Variants in TAFA4 observed in about 807,000 individuals in gnomAD.
TAFA4 encodes chemokine-like protein TAFA-4.
In TAFA4, 20 loss-of-function variants were observed where a neutral mutation model predicts 21.1. That is an observed-to-expected ratio of 0.95 (90% confidence interval 0.67 to 1.38). The LOEUF is 1.38. TAFA4 is among the 40% of genes most tolerant of loss of function. The pLI, the probability that TAFA4 is intolerant of heterozygous loss-of-function variation, is 0.00. For missense variants in TAFA4, 211 were observed against 180.9 expected, an observed-to-expected ratio of 1.17 and a Z score of -0.95; for synonymous variants, 71 against 67.4, an observed-to-expected ratio of 1.05 and a Z score of -0.26.
chr3:68,896,706 A>C (rs575683566), intron 1 of TAFA4, among the ~76,000 whole-genome samples: 4 of 152,214 alleles, frequency 2.6e-5, no homozygotes, highest in Non-Finnish European at 5.9e-5. Flanking sequence ...TTGGCCAGCT[A>C]TCTGGAGAGT....
chr3:68,904,886 T>C (rs997592467), intron 1 of TAFA4, among the ~76,000 whole-genome samples: 1 of 152,120 alleles, frequency 6.6e-6, no homozygotes, highest in Non-Finnish European at 1.5e-5. Flanking sequence ...GGCAAGAGAA[T>C]TGGTGAATGC....
intron 3 of TAFA4, among the ~76,000 whole-genome samples, chr3:68,828,512 T>A (rs1308903937): frequency 6.6e-6 from 1 of 152,222 alleles, no homozygotes; most frequent in East Asian, 1.9e-4. Flanking sequence ...TCCGTGAGCA[T>A]GGAATGTTCT....
At chr3:68,926,759 A>T (rs1337174713) in intron 1 of TAFA4, among the ~76,000 whole-genome samples, 1 of 152,032 alleles carries the variant, frequency 6.6e-6, no homozygotes, top group Non-Finnish European at 1.5e-5. Flanking sequence ...AAAAATACAA[A>T]GATTAGCCAG....
At chr3:68,900,357 G>A (rs543211421) in intron 1 of TAFA4, among the ~76,000 whole-genome samples, 15 of 151,240 alleles carry the variant, frequency 9.9e-5, no homozygotes, top group Admixed American at 4.6e-4. Flanking sequence ...TGGTAACTGG[G>A]GCCAGAAGGA....
intron 1 of TAFA4, among the ~76,000 whole-genome samples, chr3:68,907,605 T>C (rs902959982): frequency 6.6e-6 from 1 of 152,140 alleles, no homozygotes; most frequent in Non-Finnish European, 1.5e-5. Context: ...ATAGAGGAGA[T>C]GCTTTCCATA....
intron 3 of TAFA4, among the ~76,000 whole-genome samples, chr3:68,848,467 C>G (rs950987020): frequency 2.6e-5 from 4 of 152,060 alleles, no homozygotes; most frequent in African/African-American, 9.7e-5. Context: ...GCCTTTTTCC[C>G]CAGGAAGGAG....
chr3:68,739,838 T>C (rs1422738869), intron 4 of TAFA4, among the ~76,000 whole-genome samples: 1 of 152,034 alleles, frequency 6.6e-6, no homozygotes, highest in Non-Finnish European at 1.5e-5. Flanking sequence ...CACAGAGACA[T>C]AGAGTCATGG....
rs527655086 is a variant in TAFA4 at position 68,861,118 on chromosome 3, A to G, written c.130+19612T>C. On this transcript the variant is annotated intron_variant, in intron 3 of 5. Transcript: ENST00000295569. ...AACAGTTTCCTAAAGGGACACTTACATGGATGATCACCAAAGCATTTTTGT... is the reference window on the plus strand; with the variant it reads ...AACAGTTTCCTAAAGGGACACTTACGTGGATGATCACCAAAGCATTTTTGT... Among the ~76,000 whole-genome samples, 48 of 147,706 alleles carry G rather than the reference A, an allele frequency of 3.2e-4. No individual in the cohort carries two copies. The South Asian group carries it at 0.01, about 31-fold the overall frequency.
chr3:68,732,468 CAGTAAAA>C lies in TAFA4; in HGVS notation c.*667_*673del, dbSNP rs966526535. The C allele has an allele frequency of 1.6e-4, 24 of 152,348 alleles. No homozygotes were observed. The highest frequency in any genetic ancestry group is 5.8e-4 in the African/African-American group (24 of 41,366). 9.4% of individuals were successfully genotyped at this position (152,348 alleles called of 1,614,324 possible). A position where few individuals can be genotyped will look rare whatever the true frequency, so the allele number is the denominator to read the frequency against. On this transcript the variant is annotated 3_prime_UTR_variant, in exon 6 of 6. Transcript: ENST00000295569. ...GGAATTGATATGCTTCCTTAGCACT[CAGTAAAA>C]TGGTACATTGAAGTTAAAACGCTCT...
intron 3 of TAFA4, among the ~76,000 whole-genome samples, chr3:68,816,919 T>C (rs749644471): frequency 1.3e-5 from 2 of 152,192 alleles, no homozygotes; most frequent in African/African-American, 4.8e-5. Flanking sequence ...ATAATCTTTA[T>C]GCTGGTGGAA....
At chr3:68,753,933 A>C (rs1702610661) in intron 3 of TAFA4, among the ~76,000 whole-genome samples, 1 of 152,248 alleles carries the variant, frequency 6.6e-6, no homozygotes, top group East Asian at 1.9e-4. Context: ...GAATCCAGCC[A>C]GGCAGTGCTA....
intron 1 of TAFA4, among the ~76,000 whole-genome samples, chr3:68,925,571 T>C (rs1196219629): frequency 6.6e-6 from 1 of 152,222 alleles, no homozygotes; most frequent in Non-Finnish European, 1.5e-5. Flanking sequence ...AAGGACTTAC[T>C]CCATTACTGA....
intron 3 of TAFA4, among the ~76,000 whole-genome samples, chr3:68,833,681 T>G (rs1704453911): frequency 6.6e-6 from 1 of 152,192 alleles, no homozygotes; most frequent in Non-Finnish European, 1.5e-5. Flanking sequence ...TTTATAACTT[T>G]AAATAAAAGT....
In TAFA4 at chr3:68,753,033, G is replaced by A; in HGVS notation, c.131-15C>T. On this transcript the variant is annotated splice_polypyrimidine_tract_variant and intron_variant, in intron 3 of 5. Coordinates refer to ENST00000295569, the MANE Select transcript of TAFA4 (RefSeq NM_182522.5). Reference sequence around the variant, plus strand: ...TTGGTGGTGACCTAGTTGGTAATGGGGGAGAAAAACAAACCCAGTGCTGTT... The same window carrying A: ...TTGGTGGTGACCTAGTTGGTAATGGAGGAGAAAAACAAACCCAGTGCTGTT... 1 of 1,609,572 alleles carries A rather than the reference G, an allele frequency of 6.2e-7. No homozygotes were observed. Among genetic ancestry groups the A allele is most frequent in the African/African-American group, 1.3e-5 (1 of 74,884 alleles).
intron 3 of TAFA4, among the ~76,000 whole-genome samples, chr3:68,801,910 A>C (rs1000825734): frequency 9.2e-5 from 14 of 151,652 alleles, no homozygotes; most frequent in African/African-American, 2.9e-4. Flanking sequence ...CTTGTCCCCT[A>C]ATCATTCAAA....
chr3:68,738,967 G>A (rs1559754192), intron 5 of TAFA4, 108 bp downstream of exon 5: 1 of 1,485,224 alleles, frequency 6.7e-7, no homozygotes, highest in Non-Finnish European at 9.1e-7. Flanking sequence ...TGCCCAAGCA[G>A]GTTTATTAAC....
At chr3:68,739,251 A>G (rs776573964) in intron 4 of TAFA4, 52 bp from the exon 5 acceptor site, 11 of 1,602,752 alleles carry the variant, frequency 6.9e-6, no homozygotes, top group Non-Finnish European at 8.5e-6. Flanking sequence ...TCCTCCAAAG[A>G]TGGACAAAAT....
intron 3 of TAFA4, among the ~76,000 whole-genome samples, chr3:68,804,489 C>T (rs1208723320): frequency 6.6e-6 from 1 of 152,154 alleles, no homozygotes; most frequent in Non-Finnish European, 1.5e-5. Flanking sequence ...CCCACACTGC[C>T]AAGTCAATCC....
intron 3 of TAFA4, among the ~76,000 whole-genome samples, chr3:68,756,898 A>G (rs17047979): frequency 0.058 from 8,893 of 152,284 alleles, 587 homozygotes; most frequent in East Asian, 0.26. Context: ...CTGAGTGAGC[A>G]GAAAAGTAAG....
Sources: allele counts gnomAD v4.1 joint callset (sites outside exome capture counted in the v4.1 genomes callset), GRCh38; gene constraint gnomAD v4.1.1; transcripts MANE v1.5; gene names NCBI Gene and HGNC (gene_info 2026-07-23, HGNC 2026-07-21).